The following CELF2 variants were observed in gnomAD, a reference collection of about 807,000 sequenced individuals.
CELF2 encodes CUGBP Elav-like family member 2, also known as CUG triplet repeat RNA-binding protein 2.
A neutral mutation model predicts 62.6 loss-of-function variants in CELF2; 8 were observed. The observed-to-expected ratio is 0.13, with a 90% CI of 0.07 to 0.23. CELF2 has a LOEUF of 0.23. CELF2 is among the 10% of genes least tolerant of loss of function. The probability of loss-of-function intolerance (pLI) is 1.00; values close to 1 mark genes in which losing one functional copy is unlikely to be tolerated. For missense variants in CELF2, 333 were observed against 671.0 expected, an observed-to-expected ratio of 0.50 and a Z score of 5.56; for synonymous variants, 258 against 250.0, an observed-to-expected ratio of 1.03 and a Z score of -0.30.
rs1463246621 is a variant in CELF2 at position 10,857,644 on chromosome 10, ATATAG to A, written c.53+58832_53+58836del. Among the ~76,000 whole-genome samples, 61 of 77,654 alleles carry A rather than the reference ATATAG, an allele frequency of 7.9e-4. 1 individual carries two copies. Among genetic ancestry groups the A allele is most frequent in the African/African-American group, 2.9e-3 (57 of 19,676 alleles). The allele number at this position is 77,654 out of a possible 152,430, so 50.9% of individuals were successfully genotyped here. A position where few individuals can be genotyped will look rare whatever the true frequency, so the allele number is the denominator to read the frequency against. ...TAAATATATGTGGTAAACTACATAT[ATATAG>A]TATATATATATATATATATATATAT... On this transcript the variant is annotated intron_variant, in intron 1 of 13. Coordinates refer to the CELF2 transcript ENST00000636488.
rs2062827037 is a variant in CELF2 at position 11,214,666 on chromosome 10, A to G, written c.272-2759A>G. Among the ~76,000 whole-genome samples the G allele has an allele frequency of 6.6e-6, 1 of 152,226 alleles. No homozygotes were observed. The highest frequency in any genetic ancestry group is 2.4e-5 in the African/African-American group (1 of 41,468). On this transcript the variant is annotated intron_variant, in intron 2 of 12. Transcript: ENST00000633077. This position sits in a 1 kb window ranked among gnomAD's most constrained non-coding sequence, Gnocchi z 4.2. ...TCTTGGGTCGGACAGATGAACGGTA[A>G]GGCACATTAGCAGTGTTACCTACGG... is the stretch of plus-strand genomic sequence containing the variant.
the CELF2 span, among the ~76,000 whole-genome samples, chr10:10,513,003 A>C: frequency 6.6e-6 from 1 of 152,148 alleles, no homozygotes; most frequent in Admixed American, 6.5e-5. Context: ...ATTCAATACC[A>C]TGAAAACGGT....
intron 2 of CELF2, among the ~76,000 whole-genome samples, chr10:10,996,341 T>C (rs960945826): frequency 3.3e-5 from 5 of 152,242 alleles, no homozygotes; most frequent in African/African-American, 7.2e-5. Flanking sequence ...AGAGCACTTA[T>C]GATTCTATCT....
chr10:10,886,741 T>C (rs1159918028), intron 1 of CELF2, among the ~76,000 whole-genome samples: 2 of 151,998 alleles, frequency 1.3e-5, no homozygotes, highest in Non-Finnish European at 2.9e-5. Context: ...GAAGCTGAGG[T>C]GAGAGGATTT....
intron 9 of CELF2, among the ~76,000 whole-genome samples, chr10:11,303,223 G>A (rs138845897): frequency 3.0e-4 from 45 of 152,210 alleles, no homozygotes; most frequent in African/African-American, 1.0e-3. Context: ...ACTGTTTCTT[G>A]CCTTAGTCCC....
chr10:11,300,150 C>T lies in CELF2; in HGVS notation c.976+11598C>T, dbSNP rs1293453509. On this transcript the variant is annotated intron_variant, in intron 9 of 12. Transcript: ENST00000633077. The surrounding 1 kb of genome is among the most constrained non-coding windows in gnomAD (Gnocchi z 5.5). ...GATTTCTTAGATCCACTAGACAGAG[C>T]TTCCACAAGCCTTTGGGAATGAACA... Among the ~76,000 whole-genome samples, 1 of 152,212 alleles carries T rather than the reference C, an allele frequency of 6.6e-6. No individual in the cohort carries two copies. Among genetic ancestry groups the T allele is most frequent in the Non-Finnish European group, 1.5e-5 (1 of 68,050 alleles).
chr10:10,710,148 G>A, the CELF2 span, among the ~76,000 whole-genome samples: 1 of 152,142 alleles, frequency 6.6e-6, no homozygotes, highest in African/African-American at 2.4e-5. Flanking sequence ...AACTCATATG[G>A]CTCTAAAGGA....
At chr10:10,748,560 AGC>A in the CELF2 span, among the ~76,000 whole-genome samples, 3 of 151,910 alleles carry the variant, frequency 2.0e-5, no homozygotes, top group Non-Finnish European at 2.9e-5. Flanking sequence ...CATCCTGGCT[AGC>A]ACAGTGAAAC....
chr10:10,807,795 T>G (rs1167976294), intron 1 of CELF2, among the ~76,000 whole-genome samples: 1 of 152,212 alleles, frequency 6.6e-6, no homozygotes, highest in Non-Finnish European at 1.5e-5. Context: ...AAATAATTAA[T>G]TTTGTTCTGC....
chr10:10,736,064 A>C, the CELF2 span, among the ~76,000 whole-genome samples: 1 of 152,220 alleles, frequency 6.6e-6, no homozygotes, highest in African/African-American at 2.4e-5. Context: ...AAATTGGACT[A>C]GATTTTATTG....
chr10:10,729,217 A>T, the CELF2 span, among the ~76,000 whole-genome samples: 1 of 152,216 alleles, frequency 6.6e-6, no homozygotes, highest in African/African-American at 2.4e-5. Flanking sequence ...TTTTGACCAG[A>T]TGTTCTCAGA....
the CELF2 span, among the ~76,000 whole-genome samples, chr10:10,575,744 A>G: frequency 1.8e-4 from 27 of 152,230 alleles, no homozygotes; most frequent in African/African-American, 6.3e-4. Context: ...AAAAGCTAGA[A>G]GTGTTACAAA....
intron 1 of CELF2, among the ~76,000 whole-genome samples, chr10:11,054,878 C>T (rs2064869320): frequency 1.3e-5 from 2 of 152,176 alleles, no homozygotes; most frequent in African/African-American, 2.4e-5. Context: ...CCAATCCCAG[C>T]TACTTATTGT....
chr10:10,833,206 C>T (rs1224269576), intron 1 of CELF2, among the ~76,000 whole-genome samples: 1 of 152,188 alleles, frequency 6.6e-6, no homozygotes, highest in Non-Finnish European at 1.5e-5. Flanking sequence ...GAGCTTTAAG[C>T]CCTGTTAGCA....
At chr10:11,205,367 G>T (rs1044378245) in intron 2 of CELF2, among the ~76,000 whole-genome samples, 4 of 152,234 alleles carry the variant, frequency 2.6e-5, no homozygotes, top group Non-Finnish European at 5.9e-5. Context: ...AAGGGAGCCT[G>T]CATAGTGTCT....
rs2095250496 is a variant in CELF2, at chr10:11,318,897, T to C, written c.1097-2292T>C. 2.1e-6 allele frequency: 1 copy of C among 471,000 alleles called. No individual in the cohort carries two copies. The highest frequency in any genetic ancestry group is 4.4e-6 in the Non-Finnish European group (1 of 227,052). 29.2% of individuals were successfully genotyped at this position (471,000 alleles called of 1,614,324 possible). On this transcript the variant is annotated intron_variant, in intron 10 of 12. Transcript: ENST00000633077. The surrounding 1 kb of genome is among the most constrained non-coding windows in gnomAD (Gnocchi z 5.4). Reference sequence around the variant, plus strand: ...GGAAGGATCCCCCGTGGGTCTCACATGACAGGGCCTGAAAACTCCCACCCG... The same window carrying C: ...GGAAGGATCCCCCGTGGGTCTCACACGACAGGGCCTGAAAACTCCCACCCG...
intron 1 of CELF2, among the ~76,000 whole-genome samples, chr10:11,019,869 G>A (rs2058027658): frequency 6.6e-6 from 1 of 152,082 alleles, no homozygotes; most frequent in South Asian, 2.1e-4. Context: ...AGTTTTATGC[G>A]TTTTCTCCTC....
At chr10:10,490,893 C>T in the CELF2 span, among the ~76,000 whole-genome samples, 2 of 152,084 alleles carry the variant, frequency 1.3e-5, no homozygotes, top group African/African-American at 4.8e-5. Flanking sequence ...GTTTTACAGC[C>T]AGAGATATTT....
At chr10:11,195,586 G>A (rs1293391792) in intron 2 of CELF2, among the ~76,000 whole-genome samples, 1 of 152,218 alleles carries the variant, frequency 6.6e-6, no homozygotes, top group Non-Finnish European at 1.5e-5. Context: ...AGTTTTGACT[G>A]GCGTCTGATT....
Sources: gnomAD v4.1 joint callset for allele counts (sites outside exome capture counted in the v4.1 genomes callset) on GRCh38, gnomAD v4.1.1 for gene constraint, Gnocchi (gnomAD v3.1) non-coding constraint, MANE v1.5 for transcripts, NCBI Gene and HGNC (gene_info 2026-07-23, HGNC 2026-07-21) for gene names.